Variants in ACSL6 observed in about 807,000 individuals in gnomAD.
ACSL6 encodes the protein long-chain-fatty-acid--CoA ligase 6.
In ACSL6, 47 loss-of-function variants were observed where a neutral mutation model predicts 98.2. That is an observed-to-expected ratio of 0.48 (90% CI 0.38 to 0.61). ACSL6 has a LOEUF of 0.61. Among genes scored for constraint, ACSL6 ranks in the 20% least tolerant of loss-of-function variants. The probability of loss-of-function intolerance (pLI) is 0.00; values close to 1 mark genes in which losing one functional copy is unlikely to be tolerated. For missense variants in ACSL6, 761 were observed against 913.4 expected, an observed-to-expected ratio of 0.83 and a Z score of 2.15; for synonymous variants, 362 against 336.9, an observed-to-expected ratio of 1.07 and a Z score of -0.82.
At chr5:131,987,427 G>C (rs910742895) in intron 7 of ACSL6, among the ~76,000 whole-genome samples, 1 of 151,904 alleles carries the variant, frequency 6.6e-6, no homozygotes, top group African/African-American at 2.4e-5. Context: ...GGGGTACAAT[G>C]CATAGGCATT....
intron 3 of ACSL6, 80 bp from the exon 4 acceptor site, chr5:131,990,244 G>A: frequency 1.4e-6 from 2 of 1,402,420 alleles, no homozygotes; most frequent in Admixed American, 1.8e-5. Context: ...CAGAAACCTG[G>A]ATGGACATCC....
chr5:131,988,826 T>C lies in ACSL6; in HGVS notation c.631A>G (p.Ile211Val), dbSNP rs556704873. The change falls in exon 6 of 21, where the codon ATC (isoleucine) becomes GTC (valine). Residue 211 changes from isoleucine (I) to valine (V), a missense_variant. Transcript: ENST00000651883. ...TTACCTGTATTGATGATGTAGCGGA[T>C]AGCCCCAGGGCCCAGGGTGTCATAG... ...PLYDTLGPGA[I>V]RYIINTADIS... 14 of 1,613,472 alleles carry C rather than the reference T, an allele frequency of 8.7e-6. No individual in the cohort carries two copies. Among genetic ancestry groups the C allele is most frequent in the East Asian group, 2.2e-5 (1 of 44,826 alleles).
At chr5:131,965,682 A>T (rs28483465) in intron 17 of ACSL6, among the ~76,000 whole-genome samples, 2,878 of 152,288 alleles carry the variant, frequency 0.019, 62 homozygotes, top group African/African-American at 0.05. Context: ...AGATCTCGTC[A>T]CTGCACTCCA....
At position 131,988,234 on chromosome 5, in the gene ACSL6, G is replaced by C. The variant is rs376683966; in HGVS notation, c.653-8C>G. On this transcript the variant is annotated splice_region_variant and splice_polypyrimidine_tract_variant and intron_variant, in intron 6 of 20. Coordinates refer to ENST00000651883, the MANE Select transcript of ACSL6 (RefSeq NM_001009185.3). ...TCACGGTGCTGATGTCCGCTGCAGGGGGCCATCAAGGAGAGTCAGGCCATG... is the reference window on the plus strand; with the variant it reads ...TCACGGTGCTGATGTCCGCTGCAGGCGGCCATCAAGGAGAGTCAGGCCATG... 2 of 1,613,492 alleles carry C rather than the reference G, an allele frequency of 1.2e-6. No individual in the cohort carries two copies. The highest frequency in any genetic ancestry group is 1.3e-5 in the African/African-American group (1 of 74,910).
intron 18 of ACSL6, among the ~76,000 whole-genome samples, chr5:131,961,673 G>C (rs894688740): frequency 3.3e-5 from 5 of 151,994 alleles, no homozygotes; most frequent in Non-Finnish European, 7.4e-5. Flanking sequence ...CTCCAGCCTG[G>C]GTGACAGAGT....
In ACSL6 at chr5:131,999,064, A is replaced by G. The variant is rs143104840; in HGVS notation, c.50-4813T>C. Among the ~76,000 whole-genome samples the G allele has an allele frequency of 4.2e-3, 632 of 152,096 alleles. 3 individuals are homozygous for G. Among genetic ancestry groups the G allele is most frequent in the African/African-American group, 0.015 (616 of 41,466 alleles). ...ACCAAATCATCAAAGAATCTCCTCA[A>G]CTCCAAGTGAAGAGCTCTGAAAAGA... On this transcript the variant is annotated intron_variant, in intron 1 of 20. Coordinates refer to ENST00000651883, the MANE Select transcript of ACSL6 (RefSeq NM_001009185.3).
intron 1 of ACSL6, among the ~76,000 whole-genome samples, chr5:131,996,619 G>C (rs1163113578): frequency 7.9e-5 from 12 of 152,224 alleles, no homozygotes; most frequent in Admixed American, 7.2e-4. Flanking sequence ...ATTACCACCA[G>C]TCCCTGGTCC....
intron 17 of ACSL6, among the ~76,000 whole-genome samples, chr5:131,963,008 C>CCTT (rs978410071): frequency 3.1e-4 from 47 of 152,056 alleles, no homozygotes; most frequent in African/African-American, 1.1e-3. Context: ...GGCCCACCGC[C>CCTT]CTTCCATCAG....
intron 11 of ACSL6, among the ~76,000 whole-genome samples, chr5:131,974,188 T>G (rs2149724414): frequency 6.6e-6 from 1 of 152,106 alleles, no homozygotes; most frequent in Middle Eastern, 3.4e-3. Flanking sequence ...GAAGACACAG[T>G]TTTTTCATAT....
intron 11 of ACSL6, chr5:131,973,710 G>A (rs1028148151): frequency 3.3e-5 from 8 of 241,906 alleles, no homozygotes; most frequent in Non-Finnish European, 6.4e-5. Context: ...CCCTGGACAT[G>A]GGCCTCCCTG....
At chr5:131,966,393 T>A (rs1157915161) in intron 17 of ACSL6, 23 bp downstream of exon 17, 1 of 1,609,206 alleles carries the variant, frequency 6.2e-7, no homozygotes, top group East Asian at 2.2e-5. Context: ...TGTTTGGAGC[T>A]CCGTGGTTCC....
At chr5:131,985,517 A>G (rs1754131956) in intron 8 of ACSL6, 59 bp from the exon 9 acceptor site, 2 of 1,594,014 alleles carry the variant, frequency 1.3e-6, no homozygotes, top group East Asian at 2.2e-5. Context: ...CCAGGGCCCA[A>G]GATGCCTGGG....
intron 11 of ACSL6, chr5:131,974,635 C>A (rs1265167141): frequency 8.9e-7 from 1 of 1,123,768 alleles, no homozygotes; most frequent in Non-Finnish European, 1.3e-6. Context: ...GCCCTCTGAC[C>A]CCTATGGTAC....
chr5:132,003,549 G>A (rs1174451651), intron 1 of ACSL6: 1 of 152,280 alleles, frequency 6.6e-6, no homozygotes, highest in Non-Finnish European at 1.5e-5. Flanking sequence ...ACTCCACTTG[G>A]GTCTGTCACA....
Position 131,990,100 on chromosome 5 carries a change from C to A in ACSL6, c.450G>T (p.Glu150Asp). ...KQPYQWLSYQ[E>D]VADRAEFLGS... ...GTGGGGCCTGTCCTGTATCACTCACCTCCTGGTAGGACAGCCACTGGTAAG... is the reference window on the plus strand; with the variant it reads ...GTGGGGCCTGTCCTGTATCACTCACATCCTGGTAGGACAGCCACTGGTAAG... Residue 150 changes from glutamate to aspartate, a missense_variant and splice_region_variant, in exon 4 of 21, where the codon GAG becomes GAT. Transcript: ENST00000651883. 1 of 1,613,692 alleles carries A rather than the reference C, an allele frequency of 6.2e-7. No homozygotes were observed. The highest frequency in any genetic ancestry group is 2.2e-5 in the East Asian group (1 of 44,884).
chr5:131,966,284 C>G (rs1386725727), intron 17 of ACSL6, 132 bp downstream of exon 17: 6 of 816,658 alleles, frequency 7.3e-6, no homozygotes, highest in Non-Finnish European at 1.2e-5. Context: ...GAGCCTCCCC[C>G]CAGGCCCCAG....
chr5:131,989,470 G>A lies in ACSL6; in HGVS notation c.489C>T (p.Leu163=). The A allele has an allele frequency of 4.3e-6, 7 of 1,613,958 alleles. No individual in the cohort carries two copies. The highest frequency in any genetic ancestry group is 5.9e-6 in the Non-Finnish European group (7 of 1,179,982). ...DRAEFLGSGL[L]QHNCKACTDQ... ...CAGTGCATGCTTTACAATTGTGCTG[G>A]AGAAGTCCGGACCCCAGAAATTCAG... The change falls in exon 5 of 21, where the codon CTC becomes CTT. Residue 163 remains leucine, a synonymous_variant. Coordinates refer to ENST00000651883, the MANE Select transcript of ACSL6 (RefSeq NM_001009185.3).
chr5:131,975,519 C>T, intron 10 of ACSL6: 2 of 985,364 alleles, frequency 2.0e-6, no homozygotes, highest in Non-Finnish European at 2.4e-6. Flanking sequence ...TAAGTCTATG[C>T]AACTGTGGCT....
chr5:132,006,409 C>A (rs1755410681), intron 1 of ACSL6: 1 of 152,322 alleles, frequency 6.6e-6, no homozygotes, highest in Non-Finnish European at 1.5e-5. Flanking sequence ...GGCAGCCGAG[C>A]AAATGATGAG....
Sources: allele counts gnomAD v4.1 joint callset (sites outside exome capture counted in the v4.1 genomes callset), GRCh38; gene constraint gnomAD v4.1.1; transcripts MANE v1.5; gene names NCBI Gene and HGNC (gene_info 2026-07-23, HGNC 2026-07-21).